The following ADCY9 variants were observed in gnomAD, a reference collection of about 807,000 sequenced individuals.
ADCY9 encodes adenylate cyclase 9.
Under a neutral mutation model 101.5 loss-of-function variants are expected in ADCY9, and 50 were observed. The observed-to-expected ratio is 0.49, with a 90% CI of 0.39 to 0.62. ADCY9 has a LOEUF of 0.62. Among genes scored for constraint, ADCY9 ranks in the 20% least tolerant of loss-of-function variants. The probability of loss-of-function intolerance (pLI) is 0.00; values close to 1 mark genes in which losing one functional copy is unlikely to be tolerated. For missense variants in ADCY9, 1,662 were observed against 1,800.4 expected (o/e 0.92, Z 1.39); for synonymous variants, 905 against 769.3 (o/e 1.18, Z -2.92).
rs764327625 is a variant in ADCY9 at position 4,083,232 on chromosome 16, A to G, written c.1693+30518T>C. Among the ~76,000 whole-genome samples, 3 of 152,362 alleles carry G rather than the reference A, an allele frequency of 2.0e-5. 1 individual carries two copies. In the South Asian group the frequency reaches 6.2e-4, roughly 32 times the overall value. On this transcript the variant is annotated intron_variant, in intron 2 of 10. Transcript: ENST00000294016. ...CAAAAACCATCTTAACCAATATAAC[A>G]TGCTTATTTTATCAAAACATAAAGT...
chr16:4,085,472 T>G (rs1007536870), intron 2 of ADCY9, among the ~76,000 whole-genome samples: 1 of 152,024 alleles, frequency 6.6e-6, no homozygotes, highest in African/African-American at 2.4e-5. Context: ...AATGTGTGTG[T>G]GAACACCATC....
intron 2 of ADCY9, 54 bp downstream of exon 2, chr16:4,113,696 T>A: frequency 1.3e-6 from 2 of 1,541,942 alleles, no homozygotes; most frequent in Non-Finnish European, 1.7e-6. Flanking sequence ...TTTTTTTAAT[T>A]TAATACAATC....
chr16:4,015,946 T>A (rs1278478120), intron 2 of ADCY9, among the ~76,000 whole-genome samples: 1 of 149,028 alleles, frequency 6.7e-6, no homozygotes, highest in Non-Finnish European at 1.5e-5. Context: ...CTAGCCTGGG[T>A]GACAGAATGA....
Position 4,070,747 on chromosome 16 carries a change from A to G in ADCY9, c.1693+43003T>C, listed in dbSNP as rs545367140. Among the ~76,000 whole-genome samples the G allele has an allele frequency of 1.5e-3, 226 of 150,670 alleles. 1 individual carries two copies. Among genetic ancestry groups the G allele is most frequent in the African/African-American group, 5.2e-3 (215 of 40,988 alleles). On this transcript the variant is annotated intron_variant, in intron 2 of 10. Transcript: ENST00000294016. ...GACTACTTGACCCCAGGAGTTCCAGACCAGCCTGAGTAACATAAGACCCCA... is the reference window on the plus strand; with the variant it reads ...GACTACTTGACCCCAGGAGTTCCAGGCCAGCCTGAGTAACATAAGACCCCA...
At position 3,965,544 on chromosome 16, in the gene ADCY9, C is replaced by G; in HGVS notation, c.*231G>C. The G allele has an allele frequency of 1.7e-6, 1 of 579,634 alleles. No homozygotes were observed. Among genetic ancestry groups the G allele is most frequent in the East Asian group, 2.9e-5 (1 of 34,894 alleles). The allele number at this position is 579,634 out of a possible 1,614,324, so 35.9% of individuals were successfully genotyped here. On this transcript the variant is annotated 3_prime_UTR_variant, in exon 11 of 11. Coordinates refer to ENST00000294016, the MANE Select transcript of ADCY9 (RefSeq NM_001116.4). ...GAAGGCACTTGTTCTCCACCACGTG[C>G]TGAACGGATGACCCAGAGGCAGCGG... is the stretch of plus-strand genomic sequence containing the variant.
chr16:3,996,852 T>A (rs2056290922), intron 3 of ADCY9, among the ~76,000 whole-genome samples: 2 of 152,044 alleles, frequency 1.3e-5, no homozygotes, highest in Non-Finnish European at 2.9e-5. Flanking sequence ...CTGCTGTGCT[T>A]TTCTCTCTTT....
At chr16:3,971,679 C>A (rs138961354) in intron 10 of ADCY9, among the ~76,000 whole-genome samples, 148 of 152,212 alleles carry the variant, frequency 9.7e-4, no homozygotes, top group African/African-American at 3.5e-3. Context: ...TTGTGAGCCC[C>A]GCTCGTTGGG....
chr16:4,065,504 T>C (rs902848734), intron 2 of ADCY9, among the ~76,000 whole-genome samples: 3 of 152,190 alleles, frequency 2.0e-5, no homozygotes, highest in African/African-American at 7.2e-5. Context: ...AAATCTGAAA[T>C]AATGGCAGAA....
chr16:4,106,356 G>T (rs551433173), intron 2 of ADCY9, among the ~76,000 whole-genome samples: 241 of 152,224 alleles, frequency 1.6e-3, no homozygotes, highest in Non-Finnish European at 2.8e-3. Flanking sequence ...CACGGATGGC[G>T]GCCCCACATC....
intron 2 of ADCY9, among the ~76,000 whole-genome samples, chr16:4,023,294 C>A (rs559838168): frequency 6.6e-6 from 1 of 152,300 alleles, no homozygotes; most frequent in East Asian, 1.9e-4. Context: ...CAAGCAAGGA[C>A]CCGAGTCACC....
rs541618227 is a variant in ADCY9 at position 4,055,288 on chromosome 16, T to C, written c.1694-47730A>G. On this transcript the variant is annotated intron_variant, in intron 2 of 10. Transcript: ENST00000294016. Reference sequence around the variant, plus strand: ...TGGCTTACACCTGTAATCCCAGTACTTTGGGAGGCTGAGGCGAGCAGATCA... The same window carrying C: ...TGGCTTACACCTGTAATCCCAGTACCTTGGGAGGCTGAGGCGAGCAGATCA... Among the ~76,000 whole-genome samples, 3 of 152,276 alleles carry C rather than the reference T, an allele frequency of 2.0e-5. No homozygotes were observed. In the South Asian group the frequency reaches 6.2e-4, roughly 32 times the overall value.
In ADCY9 at chr16:3,966,795, C is replaced by G. The variant is rs150093721; in HGVS notation, c.3042G>C (p.Ala1014=). 1.9e-6 allele frequency: 3 copies of G among 1,614,060 alleles called. No homozygotes were observed. The highest frequency in any genetic ancestry group is 2.5e-6 in the Non-Finnish European group (3 of 1,180,046). The change falls in exon 11 of 11, where the codon GCG becomes GCC. Residue 1014 remains alanine, a synonymous_variant. Coordinates refer to ENST00000294016, the MANE Select transcript of ADCY9 (RefSeq NM_001116.4). ...TCTGGATCTTGGTGCGGTGAAGATC[C>G]GCTTCCACGTCTCCGTGGTAGTGGA... ...YRLHYHGDVE[A]DLHRTKIQSM...
At chr16:4,031,190 G>A (rs1012074030) in intron 2 of ADCY9, among the ~76,000 whole-genome samples, 2 of 152,170 alleles carry the variant, frequency 1.3e-5, no homozygotes, top group African/African-American at 4.8e-5. Context: ...TTCTGTCAAT[G>A]TTATATTTCT....
At chr16:4,076,713 G>A (rs2056869446) in intron 2 of ADCY9, among the ~76,000 whole-genome samples, 1 of 152,170 alleles carries the variant, frequency 6.6e-6, no homozygotes, top group Non-Finnish European at 1.5e-5. Flanking sequence ...AGAACCAAAT[G>A]GCATCAATAA....
chr16:3,983,481 T>C (rs369920411), intron 6 of ADCY9, 41 bp from the exon 7 acceptor site: 19 of 1,543,734 alleles, frequency 1.2e-5, no homozygotes, highest in Middle Eastern at 1.7e-4. Flanking sequence ...TGGGAGGCCA[T>C]GGGCGGCCAG....
chr16:3,987,500 G>A (rs141717220), intron 6 of ADCY9, among the ~76,000 whole-genome samples: 4 of 152,346 alleles, frequency 2.6e-5, no homozygotes, highest in Non-Finnish European at 4.4e-5. Flanking sequence ...TTTGGTAAAA[G>A]GAGGATAATC....
At position 4,114,147 on chromosome 16, in the gene ADCY9, C is replaced by G; in HGVS notation, c.1296G>C (p.Glu432Asp). Reference sequence around the variant, plus strand: ...GGGTGCTGATTTTCTCACACTTGGTCTCCTCACACAGGCGGTCGAAGCGAC... The same window carrying G: ...GGGTGCTGATTTTCTCACACTTGGTGTCCTCACACAGGCGGTCGAAGCGAC... ...LFGRFDRLCE[E>D]TKCEKISTLG... The change falls in exon 2 of 11, where the codon GAG (glutamate) becomes GAC (aspartate). Residue 432 changes from glutamate (E) to aspartate (D), a missense_variant. Glu to Asp is a conservative substitution (Grantham distance 45). Around this residue, in one of 5 missense-constraint regions of ADCY9, gnomAD observed 228 missense variants for 301.1 expected, o/e 0.76. Transcript: ENST00000294016. This position sits in a 1 kb window ranked among gnomAD's most constrained non-coding sequence, Gnocchi z 4.3. 6.2e-7 allele frequency: 1 copy of G among 1,613,888 alleles called. No homozygotes were observed. Among genetic ancestry groups the G allele is most frequent in the Non-Finnish European group, 8.5e-7 (1 of 1,180,038 alleles).
At chr16:4,076,490 C>T (rs117224633) in intron 2 of ADCY9, among the ~76,000 whole-genome samples, 2,798 of 152,302 alleles carry the variant, frequency 0.018, 28 homozygotes, top group South Asian at 0.041. Context: ...CAAAGACAGA[C>T]GAATGATTTT....
At chr16:3,970,598 G>A (rs1231793315) in intron 10 of ADCY9, among the ~76,000 whole-genome samples, 1 of 152,228 alleles carries the variant, frequency 6.6e-6, no homozygotes, top group Non-Finnish European at 1.5e-5. Context: ...AAAGTGCTGG[G>A]ATTACAGGCA....
Sources: gnomAD v4.1 joint callset for allele counts (sites outside exome capture counted in the v4.1 genomes callset) on GRCh38, gnomAD v4.1.1 for gene constraint, gnomAD v4.1.1 regional missense constraint, Gnocchi (gnomAD v3.1) non-coding constraint, MANE v1.5 for transcripts, NCBI Gene and HGNC (gene_info 2026-07-23, HGNC 2026-07-21) for gene names.